Variants in AKNAD1 observed in about 807,000 individuals in gnomAD.
The protein encoded by AKNAD1 is protein AKNAD1.
AKNAD1 carries 67 observed loss-of-function variants against 90.8 expected under a neutral mutation model. The ratio of observed to expected loss-of-function variants is 0.74; its 90% confidence interval spans 0.61 to 0.90. The LOEUF (loss-of-function observed/expected upper bound fraction) is 0.90. Among genes scored for constraint, AKNAD1 ranks in the 40% least tolerant of loss-of-function variants. The pLI is 0.00. For synonymous variants in AKNAD1, 327 were observed against 341.4 expected (o/e 0.96, Z 0.46); for missense variants, 957 against 975.4 (o/e 0.98, Z 0.25).
rs1311655793 is a variant in AKNAD1, at chr1:108,851,760, C to G, written c.905G>C (p.Ser302Thr). 6.2e-7 allele frequency: 1 copy of G among 1,613,836 alleles called. No homozygotes were observed. Among genetic ancestry groups the G allele is most frequent in the Non-Finnish European group, 8.5e-7 (1 of 1,179,914 alleles). Residue 302 changes from serine (S) to threonine (T), a missense_variant, in exon 2 of 16, where the codon AGT becomes ACT. Transcript: ENST00000370001. ...SRDKPTLVQD[S>T]LETTPESNCV... ...GTTTGACTCAGGCGTGGTTTCTAGA[C>G]TATCTTGCACAAGAGTGGGTTTATC... is the stretch of plus-strand genomic sequence containing the variant.
At chr1:108,850,998 C>T (rs141489861) in intron 2 of AKNAD1, among the ~76,000 whole-genome samples, 3 of 152,274 alleles carry the variant, frequency 2.0e-5, no homozygotes, top group Admixed American at 6.5e-5. Context: ...CCATTACTAA[C>T]GATCTTAATT....
At chr1:108,826,297 A>G (rs1663994076) in intron 11 of AKNAD1, among the ~76,000 whole-genome samples, 1 of 151,686 alleles carries the variant, frequency 6.6e-6, no homozygotes. Context: ...TTCCTGGTGC[A>G]TAAGCTGGGG....
upstream of AKNAD1, chr1:108,858,195 G>A (rs918391434): frequency 7.9e-5 from 12 of 152,614 alleles, no homozygotes; most frequent in Admixed American, 2.0e-4. Context: ...GAACAAAAAC[G>A]GAGCTTCAAA....
chr1:108,823,240 A>G (rs1471538296), intron 13 of AKNAD1, 130 bp downstream of exon 13: 2 of 777,734 alleles, frequency 2.6e-6, no homozygotes, highest in African/African-American at 3.4e-5. Context: ...GTGAGTGCAC[A>G]AGACCTGGGC....
In AKNAD1 at chr1:108,825,530, T is replaced by C. The variant is rs528427725; in HGVS notation, c.1936+1675A>G. Among the ~76,000 whole-genome samples the C allele has an allele frequency of 1.3e-5, 2 of 151,830 alleles. 1 individual carries two copies. The highest frequency in any genetic ancestry group is 4.2e-4 in the South Asian group (2 of 4,748). On this transcript the variant is annotated intron_variant, in intron 11 of 15. Transcript: ENST00000370001. The stretch of plus-strand genomic sequence containing the variant: ...TTTACACTCTTAAAATTGAGGACCC[T>C]AAACAGCCTTTGTTTCTGTGGTTTT...
chr1:108,825,992 A>C (rs1042484327), intron 11 of AKNAD1, among the ~76,000 whole-genome samples: 3 of 151,744 alleles, frequency 2.0e-5, no homozygotes, highest in African/African-American at 7.2e-5. Flanking sequence ...GTTGCCTGTA[A>C]TACTAGCGTT....
chr1:108,839,709 C>T lies in AKNAD1; in HGVS notation c.1380-2003G>A, dbSNP rs199684243. On this transcript the variant is annotated intron_variant, in intron 6 of 15. Coordinates refer to ENST00000370001, the MANE Select transcript of AKNAD1 (RefSeq NM_152763.5). ...TATTTGAATCATACTTAGGAGAGTT[C>T]TCATTATTATTAGTAACATGACAAG... is the stretch of plus-strand genomic sequence containing the variant. Among the ~76,000 whole-genome samples the T allele has an allele frequency of 4.6e-5, 7 of 152,256 alleles. No individual in the cohort carries two copies. In the East Asian group the frequency reaches 1.4e-3, roughly 29 times the overall value.
At chr1:108,843,437 A>G (rs964463379) in intron 5 of AKNAD1, among the ~76,000 whole-genome samples, 170 bp from the exon 6 acceptor site, 1 of 152,246 alleles carries the variant, frequency 6.6e-6, no homozygotes, top group Non-Finnish European at 1.5e-5. Context: ...AACTACAGAC[A>G]ACCCAAGGGT....
At position 108,849,555 on chromosome 1, in the gene AKNAD1, G is replaced by A; in HGVS notation, c.1015C>T (p.His339Tyr). ...QIQMEPIVHI[H>Y]QELLTGIESE... is the part of the protein sequence containing the mutation. The stretch of plus-strand genomic sequence containing the variant: ...TTAGTACCTGTGAGAAGTTCTTGGT[G>A]GATATGTACTATGGGCTCCATCTGC... The change falls in exon 3 of 16, where the codon CAC becomes TAC. Residue 339 changes from histidine (H) to tyrosine (Y), a missense_variant. Physicochemically the swap from His to Tyr is moderately conservative, Grantham distance 83. Transcript: ENST00000370001. 15 of 1,595,246 alleles carry A rather than the reference G, an allele frequency of 9.4e-6. No individual in the cohort carries two copies. The highest frequency in any genetic ancestry group is 1.3e-5 in the Non-Finnish European group (15 of 1,162,878).
intron 5 of AKNAD1, among the ~76,000 whole-genome samples, chr1:108,844,816 T>C (rs1664655507): frequency 7.5e-6 from 1 of 133,664 alleles, no homozygotes; most frequent in African/African-American, 3.3e-5. Context: ...GATTATTAAT[T>C]CTTTTTTTTT....
intron 13 of AKNAD1, among the ~76,000 whole-genome samples, chr1:108,821,609 G>A (rs1663814888): frequency 6.6e-6 from 1 of 152,114 alleles, no homozygotes; most frequent in Admixed American, 6.5e-5. Flanking sequence ...CCAAGAGGTT[G>A]GGCCAAATGG....
At chr1:108,816,361 T>C in intron 15 of AKNAD1, 59 bp from the exon 16 acceptor site, 2 of 1,536,938 alleles carry the variant, frequency 1.3e-6, no homozygotes, top group Non-Finnish European at 1.8e-6. Flanking sequence ...TTCTGTTCTT[T>C]GGGTTCTCTC....
intron 9 of AKNAD1, 80 bp downstream of exon 9, chr1:108,834,367 G>T: frequency 1.6e-6 from 2 of 1,215,350 alleles, no homozygotes; most frequent in Non-Finnish European, 1.2e-6. Flanking sequence ...CAATTTCACA[G>T]TCACATTCAG....
At chr1:108,818,962 T>TAAAAA (rs1663721858) in intron 14 of AKNAD1, among the ~76,000 whole-genome samples, 1 of 39,340 alleles carries the variant, frequency 2.5e-5, no homozygotes, top group Non-Finnish European at 5.0e-5. Flanking sequence ...AAACTCCATC[T>TAAAAA]CAAAAAAAAA....
Position 108,849,547 on chromosome 1 carries a change from T to C in AKNAD1, c.1023A>G (p.Glu341=). The stretch of plus-strand genomic sequence containing the variant: ...TTAAAACATTAGTACCTGTGAGAAG[T>C]TCTTGGTGGATATGTACTATGGGCT... ...QMEPIVHIHQ[E]LLTGIESEAS... is the part of the protein sequence containing the mutation. Residue 341 remains glutamate (E), a synonymous_variant, in exon 3 of 16, where the codon GAA becomes GAG. Transcript: ENST00000370001. 1 of 1,592,056 alleles carries C rather than the reference T, an allele frequency of 6.3e-7. No homozygotes were observed. Among genetic ancestry groups the C allele is most frequent in the Non-Finnish European group, 8.6e-7 (1 of 1,159,994 alleles).
intron 6 of AKNAD1, among the ~76,000 whole-genome samples, chr1:108,838,619 G>A (rs1449633258): frequency 6.6e-6 from 1 of 151,910 alleles, no homozygotes; most frequent in Non-Finnish European, 1.5e-5. Flanking sequence ...AAATAAATGA[G>A]ACTTAAAAGA....
intron 13 of AKNAD1, among the ~76,000 whole-genome samples, chr1:108,822,878 C>T (rs1309098253): frequency 6.6e-6 from 1 of 152,098 alleles, no homozygotes; most frequent in East Asian, 1.9e-4. Flanking sequence ...TGTCATTCAT[C>T]TTTTTAAATA....
chr1:108,826,741 T>C (rs1303376590), intron 11 of AKNAD1, among the ~76,000 whole-genome samples: 12 of 124,912 alleles, frequency 9.6e-5, no homozygotes, highest in Admixed American at 4.0e-4. Flanking sequence ...CTTTTCTTTT[T>C]CTTTTTTTTT....
intron 5 of AKNAD1, among the ~76,000 whole-genome samples, chr1:108,847,788 C>T (rs1038599114): frequency 1.3e-5 from 2 of 152,208 alleles, no homozygotes; most frequent in Non-Finnish European, 2.9e-5. Context: ...CAAAGGTGAG[C>T]CTCTTCTAGG....
Sources: allele counts gnomAD v4.1 joint callset (sites outside exome capture counted in the v4.1 genomes callset), GRCh38; gene constraint gnomAD v4.1.1; transcripts MANE v1.5; gene names NCBI Gene and HGNC (gene_info 2026-07-23, HGNC 2026-07-21).